TECRL: variants seen among roughly 807,000 people sequenced by gnomAD.
The protein encoded by TECRL is trans-2,3-enoyl-CoA reductase like.
In TECRL, 63 loss-of-function variants were observed where a neutral mutation model predicts 52.8. That is an observed-to-expected ratio of 1.19 (90% confidence interval 0.97 to 1.47). TECRL has a LOEUF of 1.47. Ranked by LOEUF, TECRL falls within the 40% of genes most tolerant of loss-of-function variation. The probability of loss-of-function intolerance (pLI) is 0.00; values close to 1 mark genes in which losing one functional copy is unlikely to be tolerated. For synonymous variants in TECRL, 164 were observed against 141.9 expected (o/e 1.16, Z -1.10); for missense variants, 482 against 429.6 (o/e 1.12, Z -1.08).
chr4:64,284,176 T>C (rs1258634068), intron 9 of TECRL, among the ~76,000 whole-genome samples: 1 of 151,926 alleles, frequency 6.6e-6, no homozygotes, highest in African/African-American at 2.4e-5. Flanking sequence ...GGAGTAAATA[T>C]CCCTCTAAGA....
At chr4:64,365,337 G>A (rs1476845023) in intron 2 of TECRL, among the ~76,000 whole-genome samples, 1 of 151,850 alleles carries the variant, frequency 6.6e-6, no homozygotes, top group African/African-American at 2.4e-5. Context: ...CAAAGAGTCC[G>A]ACTTTTACCA....
chr4:64,396,458 A>G (rs1006100123), intron 1 of TECRL, among the ~76,000 whole-genome samples: 2 of 151,812 alleles, frequency 1.3e-5, no homozygotes, highest in African/African-American at 2.4e-5. Flanking sequence ...CTTGTTGGTT[A>G]TATGTATCTT....
At chr4:64,324,191 T>C (rs1263501024) in intron 3 of TECRL, among the ~76,000 whole-genome samples, 1 of 152,264 alleles carries the variant, frequency 6.6e-6, no homozygotes, top group Admixed American at 6.5e-5. Context: ...GTCTGGAATG[T>C]GTATATGGGA....
At chr4:64,351,803 GTA>G (rs1255539831) in intron 2 of TECRL, among the ~76,000 whole-genome samples, 1 of 152,080 alleles carries the variant, frequency 6.6e-6, no homozygotes, top group African/African-American at 2.4e-5. Context: ...ATAGTAAATG[GTA>G]TATGTTATTT....
chr4:64,378,301 C>T (rs1722537506), intron 1 of TECRL, among the ~76,000 whole-genome samples: 1 of 151,916 alleles, frequency 6.6e-6, no homozygotes, highest in African/African-American at 2.4e-5. Context: ...CTTGGTGGCT[C>T]AGGCTTGTAG....
chr4:64,332,097 A>G (rs1460822549), intron 2 of TECRL, among the ~76,000 whole-genome samples: 1 of 152,186 alleles, frequency 6.6e-6, no homozygotes, highest in African/African-American at 2.4e-5. Flanking sequence ...CAGAAAGCTG[A>G]GTCTAGCAAC....
At chr4:64,340,912 G>A (rs1007557431) in intron 2 of TECRL, among the ~76,000 whole-genome samples, 6 of 152,116 alleles carry the variant, frequency 3.9e-5, no homozygotes, top group Admixed American at 6.5e-5. Flanking sequence ...GAGGAGAGGC[G>A]GGAACTACCA....
chr4:64,282,935 T>C (rs1722898845), intron 9 of TECRL, among the ~76,000 whole-genome samples: 1 of 151,954 alleles, frequency 6.6e-6, no homozygotes, highest in African/African-American at 2.4e-5. Flanking sequence ...GTCAGGAGGT[T>C]TTTTACATTA....
chr4:64,402,828 C>T (rs1479176652), intron 1 of TECRL, among the ~76,000 whole-genome samples: 1 of 152,044 alleles, frequency 6.6e-6, no homozygotes, highest in Non-Finnish European at 1.5e-5. Flanking sequence ...AAAAGCAATG[C>T]CTTCCAGTGA....
At chr4:64,299,091 T>C (rs1370292145) in intron 8 of TECRL, 1 of 151,012 alleles carries the variant, frequency 6.6e-6, no homozygotes, top group Non-Finnish European at 1.5e-5. Context: ...TAGGCCAAAC[T>C]ATATGCTGAA....
chr4:64,305,697 C>T (rs1322986475), intron 6 of TECRL, among the ~76,000 whole-genome samples: 2 of 152,144 alleles, frequency 1.3e-5, no homozygotes, highest in Non-Finnish European at 2.9e-5. Context: ...GTGCTTTAAC[C>T]CTCCCTGCTC....
rs1041188946 is a variant in TECRL at position 64,278,208 on chromosome 4, A to C, written c.*1864T>G. 1.3e-5 allele frequency: 2 copies of C among 151,728 alleles called. No individual in the cohort carries two copies. Among genetic ancestry groups the C allele is most frequent in the African/African-American group, 4.8e-5 (2 of 41,404 alleles). The allele number at this position is 151,728 out of a possible 1,614,324, so 9.4% of individuals were successfully genotyped here. ...GATTTTCAAATAATCTACAGAAAAT[A>C]TTTTAATTGTAAATTTCAGTATGAT... On this transcript the variant is annotated 3_prime_UTR_variant, in exon 12 of 12. Transcript: ENST00000381210.
At chr4:64,319,313 G>A (rs1717730620) in intron 4 of TECRL, among the ~76,000 whole-genome samples, 3 of 142,324 alleles carry the variant, frequency 2.1e-5, no homozygotes, top group Admixed American at 2.1e-4. Flanking sequence ...ATAAAAATAG[G>A]GTATCATTAC....
rs1039098594 is a variant in TECRL, at chr4:64,278,781, C to T, written c.*1291G>A. 1 of 152,110 alleles carries T rather than the reference C, an allele frequency of 6.6e-6. No homozygotes were observed. The highest frequency in any genetic ancestry group is 6.6e-5 in the Admixed American group (1 of 15,248). The allele number at this position is 152,110 out of a possible 1,614,324, so 9.4% of individuals were successfully genotyped here. On this transcript the variant is annotated 3_prime_UTR_variant, in exon 12 of 12. Coordinates refer to ENST00000381210, the MANE Select transcript of TECRL (RefSeq NM_001010874.5). ...TCTCCCTTTGCTGCAGCTTTCCCAGCCTGTAGTATCCTCTGTTTTATTTTT... is the reference window on the plus strand; with the variant it reads ...TCTCCCTTTGCTGCAGCTTTCCCAGTCTGTAGTATCCTCTGTTTTATTTTT...
intron 4 of TECRL, among the ~76,000 whole-genome samples, chr4:64,320,553 C>T (rs1287506426): frequency 6.6e-6 from 1 of 152,000 alleles, no homozygotes; most frequent in Non-Finnish European, 1.5e-5. Flanking sequence ...ATTTTCCTCT[C>T]AAACAAGCTA....
At chr4:64,403,475 G>GCGCGCGCACA (rs59253067) in intron 1 of TECRL, among the ~76,000 whole-genome samples, 5 of 148,344 alleles carry the variant, frequency 3.4e-5, no homozygotes, top group Admixed American at 2.7e-4. Flanking sequence ...CTCCCTGAGC[G>GCGCGCGCACA]CACACACACA....
chr4:64,354,332 A>T (rs1720608735), intron 2 of TECRL, among the ~76,000 whole-genome samples: 1 of 152,220 alleles, frequency 6.6e-6, no homozygotes, highest in African/African-American at 2.4e-5. Flanking sequence ...AATCATGTAC[A>T]GAATAATTTG....
At chr4:64,281,965 T>C (rs1722850383) in intron 9 of TECRL, among the ~76,000 whole-genome samples, 1 of 151,940 alleles carries the variant, frequency 6.6e-6, no homozygotes, top group South Asian at 2.1e-4. Context: ...GATACATTTG[T>C]TTGAGATTAT....
intron 2 of TECRL, among the ~76,000 whole-genome samples, chr4:64,349,979 G>A (rs1308023709): frequency 6.6e-6 from 1 of 152,114 alleles, no homozygotes; most frequent in African/African-American, 2.4e-5. Flanking sequence ...CTGCTTATGA[G>A]AAATTATAAA....
Sources: allele counts gnomAD v4.1 joint callset (sites outside exome capture counted in the v4.1 genomes callset), GRCh38; gene constraint gnomAD v4.1.1; transcripts MANE v1.5; gene names NCBI Gene and HGNC (gene_info 2026-07-23, HGNC 2026-07-21).